PCDH15: variants seen among roughly 807,000 people sequenced by gnomAD.
PCDH15 encodes protocadherin-15.
PCDH15 carries 129 observed loss-of-function variants against 178.5 expected under a neutral mutation model. That is an observed-to-expected ratio of 0.72 (90% confidence interval 0.63 to 0.84). The LOEUF is 0.84. Among genes scored for constraint, PCDH15 ranks in the 40% least tolerant of loss-of-function variants. The probability of loss-of-function intolerance (pLI) is 0.00; values close to 1 mark genes in which losing one functional copy is unlikely to be tolerated. For missense variants in PCDH15, 2,230 were observed against 2,099.9 expected (o/e 1.06, Z -1.21); for synonymous variants, 800 against 732.0 (o/e 1.09, Z -1.50).
chr10:54,633,481 G>A (rs1334197542), intron 2 of PCDH15, among the ~76,000 whole-genome samples: 1 of 152,008 alleles, frequency 6.6e-6, no homozygotes, highest in Non-Finnish European at 1.5e-5. Flanking sequence ...AAAGAAGGCT[G>A]GTTGCTTTAC....
intron 2 of PCDH15, among the ~76,000 whole-genome samples, chr10:54,562,552 A>G (rs984171841): frequency 1.3e-5 from 2 of 152,192 alleles, no homozygotes; most frequent in Admixed American, 6.6e-5. Context: ...TATGAAATTA[A>G]CTAGGAAAGT....
chr10:54,027,642 C>T (rs1191898121), intron 18 of PCDH15, among the ~76,000 whole-genome samples: 1 of 148,516 alleles, frequency 6.7e-6, no homozygotes, highest in East Asian at 2.0e-4. Context: ...TGCTGCATAT[C>T]TACAACTATC....
At chr10:55,178,434 C>T (rs923639497) in intron 1 of PCDH15, among the ~76,000 whole-genome samples, 1 of 152,294 alleles carries the variant, frequency 6.6e-6, no homozygotes, top group African/African-American at 2.4e-5. Context: ...TGGCAAACTT[C>T]ATCCAGCAGC....
At chr10:55,079,281 A>G (rs941879891) in intron 2 of PCDH15, among the ~76,000 whole-genome samples, 1 of 152,140 alleles carries the variant, frequency 6.6e-6, no homozygotes, top group Non-Finnish European at 1.5e-5. Flanking sequence ...GTGAAGATGA[A>G]TCCATGTTTT....
chr10:54,232,924 C>CTTTTTTTTTTTTTTTTT (rs762364718), intron 9 of PCDH15, among the ~76,000 whole-genome samples: 5 of 109,224 alleles, frequency 4.6e-5, no homozygotes, highest in African/African-American at 1.9e-4. Flanking sequence ...AGCTTTCTTT[C>CTTTTTTTTTTTTTTTTT]TTTTTTTTTT....
At chr10:54,960,642 T>C (rs558619090) in intron 2 of PCDH15, among the ~76,000 whole-genome samples, 34 of 152,222 alleles carry the variant, frequency 2.2e-4, no homozygotes, top group Non-Finnish European at 4.0e-4. Flanking sequence ...TTAAAATGTC[T>C]TTTCTCAACC....
intron 26 of PCDH15, among the ~76,000 whole-genome samples, chr10:53,887,840 G>A (rs1320091646): frequency 6.6e-6 from 1 of 152,146 alleles, no homozygotes; most frequent in Non-Finnish European, 1.5e-5. Context: ...AGTGAGCCAA[G>A]ATCGCGCCAC....
intron 2 of PCDH15, among the ~76,000 whole-genome samples, chr10:55,450,811 C>T (rs931698169): frequency 2.0e-5 from 3 of 151,900 alleles, no homozygotes; most frequent in East Asian, 1.9e-4. Flanking sequence ...AGACTGGTTC[C>T]GATTATCCAG....
At chr10:54,708,779 C>CGT (rs145197882) in intron 1 of PCDH15, among the ~76,000 whole-genome samples, 4,428 of 150,340 alleles carry the variant, frequency 0.029, 101 homozygotes, top group Non-Finnish European at 0.032. Flanking sequence ...GCCAGAATAA[C>CGT]GTGTGTGTGT....
At chr10:55,435,815 T>C (rs1417395030) in intron 2 of PCDH15, among the ~76,000 whole-genome samples, 2 of 152,108 alleles carry the variant, frequency 1.3e-5, no homozygotes, top group African/African-American at 4.8e-5. Flanking sequence ...TTTACAATAA[T>C]AAAGACACAT....
chr10:54,898,763 A>G (rs1954589433), intron 2 of PCDH15, among the ~76,000 whole-genome samples: 1 of 152,196 alleles, frequency 6.6e-6, no homozygotes, highest in Non-Finnish European at 1.5e-5. Context: ...TGAATCCTGA[A>G]TATATAGATA....
chr10:54,414,317 A>C (rs1953997474), intron 3 of PCDH15, among the ~76,000 whole-genome samples: 1 of 152,062 alleles, frequency 6.6e-6, no homozygotes, highest in Non-Finnish European at 1.5e-5. Context: ...TAATCTACAA[A>C]ATTAACATAA....
chr10:54,507,106 A>C (rs2081238111), intron 3 of PCDH15, among the ~76,000 whole-genome samples: 1 of 151,910 alleles, frequency 6.6e-6, no homozygotes, highest in East Asian at 1.9e-4. Flanking sequence ...TGCATATATA[A>C]ATACTGACTT....
intron 2 of PCDH15, among the ~76,000 whole-genome samples, chr10:55,094,985 A>G (rs1272022660): frequency 1.4e-5 from 2 of 145,550 alleles, no homozygotes; most frequent in Admixed American, 1.4e-4. Context: ...GTAGTGGAGT[A>G]GTCACTGCTC....
At chr10:54,159,391 A>G (rs1166007955) in intron 13 of PCDH15, among the ~76,000 whole-genome samples, 2 of 152,110 alleles carry the variant, frequency 1.3e-5, no homozygotes, top group African/African-American at 4.8e-5. Flanking sequence ...CATTGGATGT[A>G]CCTAAGACTG....
chr10:55,539,462 A>G (rs1230171686), intron 2 of PCDH15, among the ~76,000 whole-genome samples: 1 of 152,068 alleles, frequency 6.6e-6, no homozygotes, highest in African/African-American at 2.4e-5. Context: ...AAAATATTTT[A>G]AAACCTTACA....
intron 2 of PCDH15, among the ~76,000 whole-genome samples, chr10:55,370,098 A>T (rs1346403286): frequency 6.6e-6 from 1 of 152,116 alleles, no homozygotes; most frequent in Non-Finnish European, 1.5e-5. Context: ...TAAGTAACCA[A>T]AGAACCTCAA....
Position 54,453,511 on chromosome 10 carries a change from A to G in PCDH15, c.157+74301T>C, listed in dbSNP as rs529873935. Among the ~76,000 whole-genome samples the G allele has an allele frequency of 2.0e-5, 3 of 151,972 alleles. No individual in the cohort carries two copies. The East Asian group carries it at 5.8e-4, about 30-fold the overall frequency. ...ACACACCAGGGCCTGTTGTGGGGTT[A>G]GGGGAGGGGGTAGGGATAGCATTAG... is the stretch of plus-strand genomic sequence containing the variant. On this transcript the variant is annotated intron_variant, in intron 3 of 37. Coordinates refer to ENST00000644397, the MANE Select transcript of PCDH15 (RefSeq NM_001384140.1).
rs74995021 is a variant in PCDH15, at chr10:55,362,063, C to T, written c.-155-195412G>A. Among the ~76,000 whole-genome samples the T allele has an allele frequency of 2.2e-3, 332 of 152,088 alleles. 10 individuals are homozygous for T. The East Asian group carries it at 0.046, about 21-fold the overall frequency. On this transcript the variant is annotated intron_variant, in intron 2 of 5. Coordinates refer to the PCDH15 transcript ENST00000613346. Reference sequence around the variant, plus strand: ...TGCTCACCTTAATAGAAATTAGATGCTTATATCATCTGTGGCTATTTAAGA... The same window carrying T: ...TGCTCACCTTAATAGAAATTAGATGTTTATATCATCTGTGGCTATTTAAGA...
Sources: gnomAD v4.1 joint callset for allele counts (sites outside exome capture counted in the v4.1 genomes callset) on GRCh38, gnomAD v4.1.1 for gene constraint, MANE v1.5 for transcripts, NCBI Gene and HGNC (gene_info 2026-07-23, HGNC 2026-07-21) for gene names.